RAPGEF4: variants seen among roughly 807,000 people sequenced by gnomAD.
The protein encoded by RAPGEF4 is Rap guanine nucleotide exchange factor 4, also known as RAP guanine-nucleotide-exchange factor (GEF) 4.
Under a neutral mutation model 147.9 loss-of-function variants are expected in RAPGEF4, and 66 were observed. The ratio of observed to expected loss-of-function variants is 0.45; its 90% CI spans 0.37 to 0.55. RAPGEF4 has a LOEUF of 0.55. Among genes scored for constraint, RAPGEF4 ranks in the 20% least tolerant of loss-of-function variants. The pLI is 0.00. For missense variants in RAPGEF4, 1,071 were observed against 1,257.3 expected (o/e 0.85, Z 2.24); for synonymous variants, 419 against 442.7 (o/e 0.95, Z 0.67).
In RAPGEF4 at chr2:172,848,481, C is replaced by T. The variant is rs150636164; in HGVS notation, c.444+34056C>T. Among the ~76,000 whole-genome samples, 126 of 152,236 alleles carry T rather than the reference C, an allele frequency of 8.3e-4. 1 individual carries two copies. Among genetic ancestry groups the T allele is most frequent in the Middle Eastern group, 6.8e-3 (2 of 294 alleles). On this transcript the variant is annotated intron_variant, in intron 4 of 30. Coordinates refer to ENST00000397081, the MANE Select transcript of RAPGEF4 (RefSeq NM_007023.4). Reference sequence around the variant, plus strand: ...ATTGCCTGTAGAGGCTCACATAATTCGTTTGTTTGTTCAAAGTGTTACTGT... The same window carrying T: ...ATTGCCTGTAGAGGCTCACATAATTTGTTTGTTTGTTCAAAGTGTTACTGT...
chr2:172,950,440 A>G (rs937308481), intron 6 of RAPGEF4, among the ~76,000 whole-genome samples: 1 of 152,218 alleles, frequency 6.6e-6, no homozygotes, highest in Admixed American at 6.5e-5. Flanking sequence ...ACATTTTCCA[A>G]TACTAATTTC....
intron 4 of RAPGEF4, among the ~76,000 whole-genome samples, chr2:172,891,313 A>G (rs1697886316): frequency 6.6e-6 from 1 of 151,880 alleles, no homozygotes; most frequent in African/African-American, 2.4e-5. Context: ...AACAAACATT[A>G]CTCTATGATG....
chr2:172,846,913 G>A (rs10175694), intron 4 of RAPGEF4, among the ~76,000 whole-genome samples: 31,540 of 152,076 alleles, frequency 0.21, 3,734 homozygotes, highest in Middle Eastern at 0.3. Flanking sequence ...TTTCCAGCAC[G>A]TGTTTTTGGA....
intron 4 of RAPGEF4, among the ~76,000 whole-genome samples, chr2:172,909,306 A>G (rs148184928): frequency 0.016 from 2,464 of 152,240 alleles, 78 homozygotes; most frequent in South Asian, 0.13. Context: ...AGAGCTCACC[A>G]TTCCCTTCTC....
intron 9 of RAPGEF4, among the ~76,000 whole-genome samples, chr2:172,966,646 T>A (rs2105503219): frequency 6.6e-6 from 1 of 152,282 alleles, no homozygotes; most frequent in African/African-American, 2.4e-5. Context: ...AAATCCTGTT[T>A]AAAGGAACAA....
chr2:172,964,444 C>T (rs1469265769), intron 8 of RAPGEF4, among the ~76,000 whole-genome samples: 2 of 128,292 alleles, frequency 1.6e-5, no homozygotes, highest in Non-Finnish European at 3.1e-5. Flanking sequence ...AAAGTGAGAA[C>T]CAGAGAGTTG....
At chr2:172,958,535 TAGTCTCTCTCCATC>T (rs1688967327) in intron 6 of RAPGEF4, among the ~76,000 whole-genome samples, 1 of 152,236 alleles carries the variant, frequency 6.6e-6, no homozygotes, top group Non-Finnish European at 1.5e-5. Context: ...TGTGAGCTCA[TAGTCTCTCTCCATC>T]AGTACGTCTG....
chr2:172,850,638 A>G (rs906844817), intron 4 of RAPGEF4, among the ~76,000 whole-genome samples: 1 of 152,080 alleles, frequency 6.6e-6, no homozygotes, highest in Non-Finnish European at 1.5e-5. Context: ...AAATTAACAG[A>G]TATTATTTAA....
At chr2:172,960,645 A>T (rs992725941) in intron 6 of RAPGEF4, 115 bp from the exon 7 acceptor site, 14 of 738,814 alleles carry the variant, frequency 1.9e-5, no homozygotes, top group Admixed American at 1.0e-4. Flanking sequence ...TTATTTTTTT[A>T]AATTATATTT....
At chr2:172,773,810 G>A (rs893457377) in intron 1 of RAPGEF4, among the ~76,000 whole-genome samples, 2 of 152,086 alleles carry the variant, frequency 1.3e-5, no homozygotes, top group Non-Finnish European at 2.9e-5. Context: ...GATATCCTGG[G>A]GAAGGAAAGA....
At chr2:172,956,049 CTT>C (rs1413101793) in intron 6 of RAPGEF4, among the ~76,000 whole-genome samples, 6 of 152,348 alleles carry the variant, frequency 3.9e-5, no homozygotes, top group African/African-American at 1.4e-4. Context: ...GTTTCTCTGA[CTT>C]CTGGCTGGAG....
chr2:172,985,736 C>T lies in RAPGEF4; in HGVS notation c.1150+243C>T, dbSNP rs557918389. Among the ~76,000 whole-genome samples the T allele has an allele frequency of 1.1e-4, 17 of 152,308 alleles. No individual in the cohort carries two copies. The South Asian group carries it at 3.5e-3, about 32-fold the overall frequency. ...GTTGTGGGTGCCAGCCTGAGTCTCA[C>T]TGGCTCCCTACCCTCCTGACTCACC... On this transcript the variant is annotated intron_variant, in intron 12 of 30. Coordinates refer to ENST00000397081, the MANE Select transcript of RAPGEF4 (RefSeq NM_007023.4).
chr2:172,820,838 C>G (rs1207167725), intron 4 of RAPGEF4, among the ~76,000 whole-genome samples: 1 of 152,120 alleles, frequency 6.6e-6, no homozygotes, highest in East Asian at 1.9e-4. Context: ...AAGATTCTAC[C>G]AGATATGTTG....
chr2:172,888,344 C>T (rs548491028), intron 4 of RAPGEF4, among the ~76,000 whole-genome samples: 2 of 152,338 alleles, frequency 1.3e-5, no homozygotes, highest in South Asian at 2.1e-4. Context: ...GCCCAGCTCT[C>T]CTGTATCTCA....
At chr2:172,823,795 G>A (rs1319886583) in intron 4 of RAPGEF4, among the ~76,000 whole-genome samples, 1 of 152,200 alleles carries the variant, frequency 6.6e-6, no homozygotes, top group African/African-American at 2.4e-5. Flanking sequence ...ACCAATAAAT[G>A]CAAGACAAAT....
At chr2:173,023,423 A>G (rs1696310122) in intron 23 of RAPGEF4, among the ~76,000 whole-genome samples, 1 of 152,144 alleles carries the variant, frequency 6.6e-6, no homozygotes, top group African/African-American at 2.4e-5. Flanking sequence ...GGACATTTCC[A>G]CAGGGCTATG....
At chr2:172,780,445 A>G (rs1684574348) in intron 1 of RAPGEF4, among the ~76,000 whole-genome samples, 2 of 152,230 alleles carry the variant, frequency 1.3e-5, no homozygotes, top group African/African-American at 4.8e-5. Flanking sequence ...GTCCTCTGGT[A>G]TCTTCTCCAG....
Position 172,817,903 on chromosome 2 carries a change from TTATA to T in RAPGEF4, c.444+3489_444+3492del, listed in dbSNP as rs199874683. Among the ~76,000 whole-genome samples, 4 of 144,546 alleles carry T rather than the reference TTATA, an allele frequency of 2.8e-5. No individual in the cohort carries two copies. The East Asian group carries it at 6.0e-4, about 22-fold the overall frequency. The allele number at this position is 144,546 out of a possible 152,430, so 94.8% of individuals were successfully genotyped here. A position where few individuals can be genotyped will look rare whatever the true frequency, so the allele number is the denominator to read the frequency against. ...ATATATATATATATATATATCACAA[TTATA>T]TATATATATAATATACATATTACAA... On this transcript the variant is annotated intron_variant, in intron 4 of 30. Coordinates refer to ENST00000397081, the MANE Select transcript of RAPGEF4 (RefSeq NM_007023.4).
At chr2:173,028,911 A>G (rs1696917484) in intron 25 of RAPGEF4, among the ~76,000 whole-genome samples, 1 of 152,234 alleles carries the variant, frequency 6.6e-6, no homozygotes, top group East Asian at 1.9e-4. Flanking sequence ...TCGTGGAGGC[A>G]TAGAGAAATT....
Sources: gnomAD v4.1 joint callset for allele counts (sites outside exome capture counted in the v4.1 genomes callset) on GRCh38, gnomAD v4.1.1 for gene constraint, MANE v1.5 for transcripts, NCBI Gene and HGNC (gene_info 2026-07-23, HGNC 2026-07-21) for gene names.